Variants in RNF130 observed in about 807,000 individuals in gnomAD.
RNF130 encodes the protein E3 ubiquitin-protein ligase RNF130.
Under a neutral mutation model 44.6 loss-of-function variants are expected in RNF130, and 21 were observed. The observed-to-expected ratio is 0.47, with a 90% CI of 0.33 to 0.68. The LOEUF is 0.68. RNF130 is among the 30% of genes least tolerant of loss of function. RNF130 has a pLI of 0.02. For missense variants in RNF130, 479 were observed against 560.6 expected (o/e 0.85, Z 1.47); for synonymous variants, 214 against 210.4 (o/e 1.02, Z -0.15).
At chr5:180,044,234 T>C (rs1421019219) in intron 1 of RNF130, among the ~76,000 whole-genome samples, 1 of 152,212 alleles carries the variant, frequency 6.6e-6, no homozygotes, top group Admixed American at 6.5e-5. Context: ...TATAAGAGGA[T>C]ACTATCTCTG....
At chr5:179,954,647 C>A (rs1762174819), downstream of RNF130, among the ~76,000 whole-genome samples, 1 of 152,110 alleles carries the variant, frequency 6.6e-6, no homozygotes, top group African/African-American at 2.4e-5. Context: ...GATGGTTGCA[C>A]AACTGTGTGA....
At chr5:179,938,999 T>C (rs2113681459) in intron 7 of RNF130, among the ~76,000 whole-genome samples, 1 of 152,206 alleles carries the variant, frequency 6.6e-6, no homozygotes, top group East Asian at 1.9e-4. Flanking sequence ...GAGGCTGAGG[T>C]GGGCAGATCA....
rs377293434 is a variant in RNF130 at position 180,060,858 on chromosome 5, G to A, written c.247+10598C>T. On this transcript the variant is annotated intron_variant, in intron 1 of 8. Coordinates refer to ENST00000521389, the MANE Select transcript of RNF130 (RefSeq NM_018434.6). Reference sequence around the variant, plus strand: ...GCCGAGGTGGGCGGATCACGAGGTCGGGCGATCGAGACCATCCTGGCTAAC... The same window carrying A: ...GCCGAGGTGGGCGGATCACGAGGTCAGGCGATCGAGACCATCCTGGCTAAC... Among the ~76,000 whole-genome samples the A allele has an allele frequency of 8.2e-4, 124 of 152,032 alleles. No individual in the cohort carries two copies. In the South Asian group the frequency reaches 0.012, roughly 15 times the overall value.
chr5:180,008,703 A>G (rs528874261), intron 3 of RNF130, among the ~76,000 whole-genome samples: 56 of 152,162 alleles, frequency 3.7e-4, no homozygotes, highest in African/African-American at 1.3e-3. Context: ...TGGGCAACAC[A>G]GTGAAACCTC....
chr5:179,921,305 CAT>C (rs1761628200), intron 7 of RNF130, among the ~76,000 whole-genome samples: 2 of 152,268 alleles, frequency 1.3e-5, no homozygotes, highest in South Asian at 4.1e-4. Context: ...GCCAGGGAAA[CAT>C]AGATTAGTTT....
At chr5:179,951,480 T>A (rs1762124936), downstream of RNF130, among the ~76,000 whole-genome samples, 1 of 151,012 alleles carries the variant, frequency 6.6e-6, no homozygotes. Flanking sequence ...GCCTCCCGGG[T>A]TCACGCCATT....
At chr5:180,022,958 A>C (rs947480397) in intron 2 of RNF130, among the ~76,000 whole-genome samples, 1 of 152,252 alleles carries the variant, frequency 6.6e-6, no homozygotes, top group African/African-American at 2.4e-5. Context: ...TGGGCTACAG[A>C]AGCTTTCACG....
chr5:180,034,213 A>C (rs1464629077), intron 2 of RNF130, among the ~76,000 whole-genome samples: 1 of 151,972 alleles, frequency 6.6e-6, no homozygotes. Context: ...TAAAAAAAAA[A>C]ACCATATATC....
chr5:180,057,701 C>G (rs549491898), intron 1 of RNF130, among the ~76,000 whole-genome samples: 4 of 152,208 alleles, frequency 2.6e-5, no homozygotes, highest in Non-Finnish European at 5.9e-5. Context: ...CCCTTCCAGA[C>G]CTTACCCTAT....
chr5:179,924,475 A>G (rs1265937475), intron 7 of RNF130, among the ~76,000 whole-genome samples: 1 of 148,840 alleles, frequency 6.7e-6, no homozygotes, highest in African/African-American at 2.5e-5. Context: ...AGCCTGCGCA[A>G]CAGAGCAAAA....
At chr5:180,039,827 C>T (rs1284940899) in intron 2 of RNF130, among the ~76,000 whole-genome samples, 1 of 152,122 alleles carries the variant, frequency 6.6e-6, no homozygotes, top group African/African-American at 2.4e-5. Flanking sequence ...TTCTGTTGGC[C>T]CTTACCTCTT....
chr5:179,933,398 T>TTGTGTCTGTGTGTGTGTGTGTG, intron 7 of RNF130, among the ~76,000 whole-genome samples: 1 of 143,504 alleles, frequency 7.0e-6, no homozygotes, highest in Admixed American at 7.1e-5. Flanking sequence ...ATAACCCTAT[T>TTGTGTCTGTGTGTGTGTGTGTG]TGTGTGTGTG....
chr5:180,009,725 T>C (rs1763542398), intron 3 of RNF130, among the ~76,000 whole-genome samples: 1 of 152,216 alleles, frequency 6.6e-6, no homozygotes, highest in Non-Finnish European at 1.5e-5. Context: ...ACTCTTGGAA[T>C]TTACACTGAA....
chr5:179,997,063 A>T (rs1049646313), intron 3 of RNF130, among the ~76,000 whole-genome samples: 1 of 152,048 alleles, frequency 6.6e-6, no homozygotes, highest in Non-Finnish European at 1.5e-5. Context: ...GTCTGGGAAA[A>T]TTTACTAGTG....
intron 7 of RNF130, among the ~76,000 whole-genome samples, chr5:179,944,441 C>T (rs994020809): frequency 7.9e-5 from 12 of 151,924 alleles, no homozygotes; most frequent in Non-Finnish European, 1.2e-4. Flanking sequence ...ACGGAATTAA[C>T]GCTCCAATTT....
chr5:179,982,290 C>T (rs1762857786), intron 3 of RNF130, among the ~76,000 whole-genome samples: 1 of 151,478 alleles, frequency 6.6e-6, no homozygotes, highest in Admixed American at 6.6e-5. Flanking sequence ...ATCCTTTCAC[C>T]TGTTGATGGG....
At chr5:179,952,926 CACA>C (rs544111359), downstream of RNF130, among the ~76,000 whole-genome samples, 30 of 152,206 alleles carry the variant, frequency 2.0e-4, no homozygotes, top group East Asian at 3.5e-3. Flanking sequence ...CCTACGAGAT[CACA>C]ACAACACATG....
At chr5:179,928,121 G>C (rs1237475456) in intron 7 of RNF130, among the ~76,000 whole-genome samples, 3 of 152,116 alleles carry the variant, frequency 2.0e-5, no homozygotes, top group African/African-American at 7.2e-5. Context: ...GTTTCCTCTG[G>C]AGGCTCTCTG....
At chr5:180,041,923 C>T (rs1764430057) in intron 1 of RNF130, among the ~76,000 whole-genome samples, 2 of 152,098 alleles carry the variant, frequency 1.3e-5, no homozygotes, top group South Asian at 4.1e-4. Context: ...AAAAAATTAG[C>T]TGGGTGTGGT....
Sources: allele counts gnomAD v4.1 joint callset (sites outside exome capture counted in the v4.1 genomes callset), GRCh38; gene constraint gnomAD v4.1.1; transcripts MANE v1.5; gene names NCBI Gene and HGNC (gene_info 2026-07-23, HGNC 2026-07-21).